The following SYNE2 variants were observed in gnomAD, a reference collection of about 807,000 sequenced individuals.
SYNE2 encodes spectrin repeat containing nuclear envelope protein 2, also known as nesprin-2.
A neutral mutation model predicts 856.3 loss-of-function variants in SYNE2; 431 were observed. The ratio of observed to expected loss-of-function variants is 0.50; its 90% CI spans 0.47 to 0.55. The LOEUF (loss-of-function observed/expected upper bound fraction) is 0.55, where lower values mean the gene tolerates loss of function less well. SYNE2 is among the 20% of genes least tolerant of loss of function. The pLI is 0.00. For synonymous variants in SYNE2, 2,923 were observed against 2,872.3 expected (o/e 1.02, Z -0.56); for missense variants, 8,129 against 8,023.2 (o/e 1.01, Z -0.50).
intron 66 of SYNE2, among the ~76,000 whole-genome samples, chr14:64,116,487 G>A (rs893579608): frequency 9.2e-5 from 14 of 152,182 alleles, no homozygotes; most frequent in Non-Finnish European, 1.6e-4. Context: ...GCACAGTCTC[G>A]GCACACTGCA....
chr14:64,119,729 A>C lies in SYNE2; in HGVS notation c.13023+120A>C, dbSNP rs993913301. 6.3e-6 allele frequency: 6 copies of C among 955,358 alleles called. No homozygotes were observed. The Admixed American group carries it at 9.9e-5, about 16-fold the overall frequency. The allele number at this position is 955,358 out of a possible 1,614,324, so 59.2% of individuals were successfully genotyped here. On this transcript the variant is annotated intron_variant, in intron 67 of 115. Coordinates refer to ENST00000555002, the MANE Select transcript of SYNE2 (RefSeq NM_182914.3). Reference sequence around the variant, plus strand: ...AGAGAAACTGTACTAAGTGTGAAAGAATTTCACACATTAACACCATAGATG... The same window carrying C: ...AGAGAAACTGTACTAAGTGTGAAAGCATTTCACACATTAACACCATAGATG...
chr14:64,034,978 G>A (rs980504576), intron 45 of SYNE2, among the ~76,000 whole-genome samples: 3 of 149,684 alleles, frequency 2.0e-5, no homozygotes, highest in African/African-American at 7.4e-5. Context: ...AGCTTATCTA[G>A]TATGGAATGA....
chr14:64,047,234 G>A (rs747039059), intron 45 of SYNE2, among the ~76,000 whole-genome samples: 6 of 152,208 alleles, frequency 3.9e-5, no homozygotes, highest in East Asian at 1.9e-4. Flanking sequence ...AAGTCAGGCC[G>A]TCTCCTCCTC....
Position 64,225,938 on chromosome 14 carries a change from A to AAACTCATAGGCACCCTTAGCT in SYNE2, c.*413_*433dup. The AAACTCATAGGCACCCTTAGCT allele has an allele frequency of 2.6e-6, 1 of 383,340 alleles. No individual in the cohort carries two copies. The highest frequency in any genetic ancestry group is 4.8e-6 in the Non-Finnish European group (1 of 210,422). 23.7% of individuals were successfully genotyped at this position (383,340 alleles called of 1,614,324 possible). A position where few individuals can be genotyped will look rare whatever the true frequency, so the allele number is the denominator to read the frequency against. On this transcript the variant is annotated 3_prime_UTR_variant, in exon 116 of 116. Coordinates refer to ENST00000555002, the MANE Select transcript of SYNE2 (RefSeq NM_182914.3). ...ACATTCCACCCTAGAAATGGTTCAG[A>AAACTCATAGGCACCCTTAGCT]AACTCATAGGCACCCTTAGCTGATG... is the stretch of plus-strand genomic sequence containing the variant.
intron 11 of SYNE2, among the ~76,000 whole-genome samples, chr14:63,969,169 CTT>C (rs34436117): frequency 6.1e-4 from 78 of 128,878 alleles, no homozygotes; most frequent in African/African-American, 1.3e-3. Flanking sequence ...GAATCTCATT[CTT>C]TTTTTTTTTT....
chr14:64,212,250 T>C, intron 104 of SYNE2, 152 bp downstream of exon 104: 1 of 1,301,970 alleles, frequency 7.7e-7, no homozygotes, highest in Non-Finnish European at 1.1e-6. Flanking sequence ...TACCAGATTA[T>C]CACGTGCAAG....
At position 64,121,011 on chromosome 14, in the gene SYNE2, G is replaced by A; in HGVS notation, c.13108G>A (p.Val4370Ile). Residue 4370 changes from valine (V) to isoleucine (I), a missense_variant, in exon 68 of 116, where the codon GTA becomes ATA. Coordinates refer to ENST00000555002, the MANE Select transcript of SYNE2 (RefSeq NM_182914.3). ...TAACCTTTCTGAATTGGAATCCATTGTAACTGAAAGGCCACAATTCAGCAG... is the reference window on the plus strand; with the variant it reads ...TAACCTTTCTGAATTGGAATCCATTATAACTGAAAGGCCACAATTCAGCAG... ...PVNLSELESI[V>I]TERPQFSRQK... 6.2e-7 allele frequency: 1 copy of A among 1,614,190 alleles called. No homozygotes were observed.
intron 78 of SYNE2, among the ~76,000 whole-genome samples, chr14:64,136,581 C>T (rs1263666476): frequency 6.6e-6 from 1 of 152,102 alleles, no homozygotes; most frequent in African/African-American, 2.4e-5. Context: ...GGATAAATGG[C>T]ATTAGCTGAA....
chr14:64,103,536 C>T (rs1275312478), intron 64 of SYNE2, among the ~76,000 whole-genome samples: 3 of 152,166 alleles, frequency 2.0e-5, no homozygotes, highest in African/African-American at 7.2e-5. Flanking sequence ...TCTGCATCCT[C>T]GTGATCCATA....
intron 34 of SYNE2, among the ~76,000 whole-genome samples, chr14:64,019,041 C>T (rs2096916347): frequency 1.3e-5 from 2 of 152,150 alleles, no homozygotes; most frequent in African/African-American, 4.8e-5. Context: ...GAGGCTGAAG[C>T]AGGTGGATCA....
At chr14:64,147,794 A>T (rs2098200687) in intron 84 of SYNE2, among the ~76,000 whole-genome samples, 1 of 152,222 alleles carries the variant, frequency 6.6e-6, no homozygotes, top group Non-Finnish European at 1.5e-5. Context: ...TATGGCCAAC[A>T]TTAGGCAACC....
chr14:64,074,801 A>G (rs1567219942), intron 53 of SYNE2, among the ~76,000 whole-genome samples: 3 of 152,100 alleles, frequency 2.0e-5, no homozygotes, highest in Admixed American at 1.3e-4. Flanking sequence ...ATGCTGAGGC[A>G]GGAGAATCAC....
chr14:63,811,232 T>A (rs1001513573), intron 1 of SYNE2, among the ~76,000 whole-genome samples: 1 of 152,064 alleles, frequency 6.6e-6, no homozygotes, highest in African/African-American at 2.4e-5. Context: ...GAAACATTAG[T>A]TATCTTACCA....
At chr14:64,184,594 G>A (rs2098479470) in intron 96 of SYNE2, among the ~76,000 whole-genome samples, 1 of 152,166 alleles carries the variant, frequency 6.6e-6, no homozygotes, top group Non-Finnish European at 1.5e-5. Context: ...AACTCTGTTT[G>A]AAGCTCAGAG....
chr14:63,962,035 A>T (rs772997285), intron 9 of SYNE2, among the ~76,000 whole-genome samples: 1 of 151,218 alleles, frequency 6.6e-6, no homozygotes, highest in Non-Finnish European at 1.5e-5. Flanking sequence ...TCTATTTTTT[A>T]TTTTTATTTT....
In SYNE2 at chr14:64,053,432, G is replaced by T. The variant is rs779254549; in HGVS notation, c.9519G>T (p.Gln3173His). Residue 3173 changes from glutamine to histidine, a missense_variant, in exon 48 of 116, where the codon CAG (glutamine) becomes CAT (histidine). Physicochemically the swap from Gln to His is conservative, Grantham distance 24 (BLOSUM62 0). Transcript: ENST00000555002. ...HVLNQIKSQL[Q>H]QPLLINLEIK... ...TAAATCAGATAAAATCTCAATTACA[G>T]CAGCCATTACTTATAAATTTGGAAA... is the stretch of plus-strand genomic sequence containing the variant. 5 of 1,612,944 alleles carry T rather than the reference G, an allele frequency of 3.1e-6. No individual in the cohort carries two copies. The highest frequency in any genetic ancestry group is 4.2e-6 in the Non-Finnish European group (5 of 1,179,756).
chr14:63,949,369 T>C (rs879382631), intron 6 of SYNE2, among the ~76,000 whole-genome samples: 20 of 152,196 alleles, frequency 1.3e-4, no homozygotes, highest in Non-Finnish European at 2.6e-4. Flanking sequence ...TTAATGGCAA[T>C]TTTATTTGTT....
intron 2 of SYNE2, among the ~76,000 whole-genome samples, chr14:63,925,577 G>C (rs2095654631): frequency 6.6e-6 from 1 of 151,982 alleles, no homozygotes; most frequent in South Asian, 2.1e-4. Context: ...TCACCCTGTT[G>C]TGCTAGCAAA....
rs1182500725 is a variant in SYNE2, at chr14:63,990,997, A to G, written c.2528A>G (p.Asp843Gly). 9 of 1,614,040 alleles carry G rather than the reference A, an allele frequency of 5.6e-6. No individual in the cohort carries two copies. The highest frequency in any genetic ancestry group is 1.3e-5 in the African/African-American group (1 of 74,942). ...ALKNLTDVSP[D>G]LDIRLKMEES... is the part of the protein sequence containing the mutation. ...AAGAACTTAACTGACGTTTCACCAG[A>G]TTTGGACATCAGGCTGAAGATGGAA... The change falls in exon 21 of 116, where the codon GAT becomes GGT. Residue 843 changes from aspartate to glycine, a missense_variant. Asp to Gly is a moderately conservative substitution (Grantham distance 94). This residue lies in a region of SYNE2 where 2,422 missense variants were observed against 2,357.4 expected (regional missense o/e 1.03). Coordinates refer to ENST00000555002, the MANE Select transcript of SYNE2 (RefSeq NM_182914.3).
Sources: allele counts gnomAD v4.1 joint callset (sites outside exome capture counted in the v4.1 genomes callset), GRCh38; gene constraint gnomAD v4.1.1; regional missense constraint gnomAD v4.1.1; transcripts MANE v1.5; gene names NCBI Gene and HGNC (gene_info 2026-07-23, HGNC 2026-07-21).